The following EPB41L5 variants were observed in gnomAD, a reference collection of about 807,000 sequenced individuals.
EPB41L5 encodes erythrocyte membrane protein band 4.1 like 5.
A neutral mutation model predicts 106.6 loss-of-function variants in EPB41L5; 55 were observed. That is an observed-to-expected ratio of 0.52 (90% CI 0.42 to 0.65). The LOEUF is 0.65. EPB41L5 is among the 30% of genes least tolerant of loss of function. The pLI, the probability that EPB41L5 is intolerant of heterozygous loss-of-function variation, is 0.00. For synonymous variants in EPB41L5, 297 were observed against 306.7 expected (o/e 0.97, Z 0.33); for missense variants, 871 against 882.1 (o/e 0.99, Z 0.16).
intron 16 of EPB41L5, among the ~76,000 whole-genome samples, chr2:120,112,785 C>G (rs143235033): frequency 1.3e-5 from 2 of 152,352 alleles, no homozygotes; most frequent in Non-Finnish European, 2.9e-5. Flanking sequence ...CTGTGCCAGA[C>G]ATTGTTCTGG....
intron 10 of EPB41L5, 75 bp from the exon 11 acceptor site, chr2:120,087,095 GA>G: frequency 2.1e-6 from 2 of 932,066 alleles, no homozygotes; most frequent in Non-Finnish European, 3.3e-6. Context: ...AAATGTATTT[GA>G]AATAAAAACA....
chr2:120,038,881 C>G (rs554353392), intron 2 of EPB41L5, among the ~76,000 whole-genome samples: 5 of 152,290 alleles, frequency 3.3e-5, no homozygotes, highest in Admixed American at 2.6e-4. Context: ...CACCAGTGTT[C>G]GTGGCAGCAT....
At chr2:120,140,131 A>G (rs550162798) in intron 18 of EPB41L5, among the ~76,000 whole-genome samples, 1 of 152,132 alleles carries the variant, frequency 6.6e-6, no homozygotes, top group South Asian at 2.1e-4. Flanking sequence ...GCGGAGATAG[A>G]TGGTTACCAG....
chr2:120,121,683 T>G (rs1685221160), intron 16 of EPB41L5, among the ~76,000 whole-genome samples: 1 of 152,266 alleles, frequency 6.6e-6, no homozygotes, highest in Admixed American at 6.5e-5. Flanking sequence ...TAGCATGATT[T>G]ATAATCCTTT....
intron 3 of EPB41L5, among the ~76,000 whole-genome samples, chr2:120,052,216 A>G (rs975319611): frequency 3.3e-5 from 5 of 152,146 alleles, no homozygotes; most frequent in Non-Finnish European, 2.9e-5. Context: ...CATGACTTTG[A>G]AGCTTTTGAA....
chr2:120,018,935 T>A, intron 1 of EPB41L5, 142 bp from the exon 2 acceptor site: 1 of 710,192 alleles, frequency 1.4e-6, no homozygotes, highest in South Asian at 1.9e-5. Context: ...CGTGAGTCAC[T>A]GCACCCAGCC....
At chr2:120,168,060 AAAT>A (rs1687495705) in intron 24 of EPB41L5, 53 bp downstream of exon 24, 1 of 1,589,600 alleles carries the variant, frequency 6.3e-7, no homozygotes, top group African/African-American at 1.4e-5. Flanking sequence ...AGGAAGAAAA[AAAT>A]AATAAAACTT....
chr2:120,089,743 A>G (rs1028796865), intron 11 of EPB41L5, among the ~76,000 whole-genome samples: 2 of 152,260 alleles, frequency 1.3e-5, no homozygotes, highest in East Asian at 3.9e-4. Context: ...GAGAGGCAGT[A>G]TAACTTAGTT....
chr2:120,172,736 C>A lies in EPB41L5; in HGVS notation c.2136-2105C>A, dbSNP rs747716972. Among the ~76,000 whole-genome samples, 28 of 151,998 alleles carry A rather than the reference C, an allele frequency of 1.8e-4. 1 individual carries two copies. Among genetic ancestry groups the A allele is most frequent in the Middle Eastern group, 6.8e-3 (2 of 294 alleles). On this transcript the variant is annotated intron_variant, in intron 24 of 24. Coordinates refer to ENST00000263713, the MANE Select transcript of EPB41L5 (RefSeq NM_020909.4). The stretch of plus-strand genomic sequence containing the variant: ...GCAGTAGAGAGGTGCAGGGATTTAC[C>A]CAGAGAAAGGTGAAGGGAGGTTCCA...
At chr2:120,135,132 G>A (rs984928336) in intron 18 of EPB41L5, among the ~76,000 whole-genome samples, 3 of 152,044 alleles carry the variant, frequency 2.0e-5, no homozygotes, top group African/African-American at 7.2e-5. Context: ...AAATTAGCAG[G>A]AATCCTAGAG....
chr2:120,099,532 A>G (rs1274468518), intron 14 of EPB41L5, among the ~76,000 whole-genome samples: 1 of 151,850 alleles, frequency 6.6e-6, no homozygotes, highest in East Asian at 1.9e-4. Context: ...GGTTCACGCC[A>G]TTCTCCTGCC....
chr2:120,030,161 A>G (rs1355614458), intron 2 of EPB41L5, among the ~76,000 whole-genome samples: 1 of 152,238 alleles, frequency 6.6e-6, no homozygotes, highest in African/African-American at 2.4e-5. Flanking sequence ...TGGTTTGGCT[A>G]TGAAACAAGA....
At position 120,097,994 on chromosome 2, in the gene EPB41L5, G is replaced by A. The variant is rs1683867643; in HGVS notation, c.1179-2250G>A. On this transcript the variant is annotated intron_variant, in intron 14 of 24. Transcript: ENST00000263713. Reference sequence around the variant, plus strand: ...AGAATAACCAAGGAACTGTGGACTAGTAGGTCTAACTTCTGTACCAAGCAG... The same window carrying A: ...AGAATAACCAAGGAACTGTGGACTAATAGGTCTAACTTCTGTACCAAGCAG... 1.3e-5 allele frequency among the ~76,000 whole-genome samples: 2 copies of A among 152,134 alleles called. 1 individual carries two copies. Among genetic ancestry groups the A allele is most frequent in the South Asian group, 4.1e-4 (2 of 4,828 alleles).
At chr2:120,059,763 T>C (rs1018252241) in intron 3 of EPB41L5, among the ~76,000 whole-genome samples, 2 of 152,006 alleles carry the variant, frequency 1.3e-5, no homozygotes, top group African/African-American at 4.8e-5. Context: ...AAAAGTCTGC[T>C]GCTGTGGCTA....
intron 20 of EPB41L5, among the ~76,000 whole-genome samples, chr2:120,157,789 C>G (rs1686964558): frequency 3.4e-5 from 5 of 145,118 alleles, no homozygotes; most frequent in Admixed American, 3.4e-4. Context: ...AAAAAAAAAT[C>G]CAAAAAAACC....
At chr2:120,101,587 A>G (rs1377631525) in intron 16 of EPB41L5, 1 of 151,930 alleles carries the variant, frequency 6.6e-6, no homozygotes, top group African/African-American at 2.4e-5. Context: ...TCTTGCTCTT[A>G]GTTTGTTTAG....
chr2:120,039,054 A>C (rs1467706696), intron 2 of EPB41L5, among the ~76,000 whole-genome samples: 2 of 152,246 alleles, frequency 1.3e-5, no homozygotes, highest in Non-Finnish European at 2.9e-5. Context: ...CTGTGAGTGA[A>C]ATAAGCCAGA....
At chr2:120,146,405 T>A in intron 20 of EPB41L5, 116 bp downstream of exon 20, 1 of 716,186 alleles carries the variant, frequency 1.4e-6, no homozygotes, top group Non-Finnish European at 2.4e-6. Context: ...TAGCTTGAAT[T>A]CACTCTATTG....
chr2:120,101,727 T>C (rs2105400420), intron 16 of EPB41L5: 1 of 152,266 alleles, frequency 6.6e-6, no homozygotes, highest in East Asian at 1.9e-4. Context: ...TATGTAATTA[T>C]TTTTCACTGT....
Sources: gnomAD v4.1 joint callset for allele counts (sites outside exome capture counted in the v4.1 genomes callset) on GRCh38, gnomAD v4.1.1 for gene constraint, MANE v1.5 for transcripts, NCBI Gene and HGNC (gene_info 2026-07-23, HGNC 2026-07-21) for gene names.